The following DHX30 variants were observed in gnomAD, a reference collection of about 807,000 sequenced individuals.
DHX30 encodes the protein ATP-dependent RNA helicase DHX30.
DHX30 carries 4 observed loss-of-function variants against 116.9 expected under a neutral mutation model. The observed-to-expected ratio is 0.03, with a 90% confidence interval of 0.02 to 0.08. DHX30 has a LOEUF of 0.08. Among genes scored for constraint, DHX30 ranks in the 10% least tolerant of loss-of-function variants. The pLI, the probability that DHX30 is intolerant of heterozygous loss-of-function variation, is 1.00. For synonymous variants in DHX30, 697 were observed against 651.7 expected, an observed-to-expected ratio of 1.07 and a Z score of -1.06; for missense variants, 871 against 1,595.1, an observed-to-expected ratio of 0.55 and a Z score of 7.73.
intron 4 of DHX30, among the ~76,000 whole-genome samples, chr3:47,822,862 G>A (rs2036359880): frequency 6.6e-6 from 1 of 152,040 alleles, no homozygotes; most frequent in Non-Finnish European, 1.5e-5. Context: ...GAGAGGCCAA[G>A]GAAGGCGAAT....
At chr3:47,841,223 G>C (rs887539159) in intron 7 of DHX30, 45 bp downstream of exon 7, 5 of 1,600,878 alleles carry the variant, frequency 3.1e-6, no homozygotes, top group African/African-American at 1.3e-5. Context: ...GCTGTGCCTT[G>C]ACACGGGGAT....
At chr3:47,803,731 G>T (rs2035399673) in intron 1 of DHX30, among the ~76,000 whole-genome samples, 1 of 152,244 alleles carries the variant, frequency 6.6e-6, no homozygotes, top group South Asian at 2.1e-4. Flanking sequence ...AGGCCAAGGG[G>T]TGAGGTATTC....
At chr3:47,842,180 A>C (rs75273836) in intron 8 of DHX30, 2 of 166,504 alleles carry the variant, frequency 1.2e-5, no homozygotes, top group Non-Finnish European at 2.6e-5. Flanking sequence ...TCTCTAGCTA[A>C]GAAAGCCGTA....
chr3:47,848,019 C>T lies in DHX30; in HGVS notation c.2286+63C>T. The T allele has an allele frequency of 6.2e-7, 1 of 1,600,710 alleles. No homozygotes were observed. On this transcript the variant is annotated intron_variant, in intron 14 of 21. Coordinates refer to ENST00000445061, the MANE Select transcript of DHX30 (RefSeq NM_138615.3). This position sits in a 1 kb window ranked among gnomAD's most constrained non-coding sequence, Gnocchi z 9.4. Reference sequence around the variant, plus strand: ...GAGGGACTCCGTTTTGAGGTGGTCCCCAGCCCAGATCTACCTTAGACCTGC... The same window carrying T: ...GAGGGACTCCGTTTTGAGGTGGTCCTCAGCCCAGATCTACCTTAGACCTGC...
At position 47,847,647 on chromosome 3, in the gene DHX30, C is replaced by T; in HGVS notation, c.2110+111C>T. 6.9e-7 allele frequency: 1 copy of T among 1,453,308 alleles called. No individual in the cohort carries two copies. The highest frequency in any genetic ancestry group is 9.2e-7 in the Non-Finnish European group (1 of 1,082,818). The allele number at this position is 1,453,308 out of a possible 1,614,324, so 90.0% of individuals were successfully genotyped here. Reference sequence around the variant, plus strand: ...GCCCCGGTTTCTGACCAAGCTGTGGCACTTTTCACTGGGCATAGTGTTTAT... The same window carrying T: ...GCCCCGGTTTCTGACCAAGCTGTGGTACTTTTCACTGGGCATAGTGTTTAT... On this transcript the variant is annotated intron_variant, in intron 13 of 21. Coordinates refer to ENST00000445061, the MANE Select transcript of DHX30 (RefSeq NM_138615.3). The surrounding 1 kb of genome is among the most constrained non-coding windows in gnomAD (Gnocchi z 5.5).
chr3:47,832,262 AT>A (rs2107058362), intron 6 of DHX30, among the ~76,000 whole-genome samples: 1 of 152,044 alleles, frequency 6.6e-6, no homozygotes, highest in Non-Finnish European at 1.5e-5. Flanking sequence ...ACTGCCATGC[AT>A]TTCGTCCTCA....
chr3:47,849,406 C>T (rs374022583), intron 19 of DHX30, 45 bp from the exon 20 acceptor site: 13 of 1,578,882 alleles, frequency 8.2e-6, no homozygotes, highest in East Asian at 2.2e-5. Context: ...TCCCTGTCTG[C>T]AGCTCCTTGC....
At chr3:47,829,300 ATATATATATATATATTT>A (rs1387124715) in intron 6 of DHX30, among the ~76,000 whole-genome samples, 166 bp downstream of exon 6, 1 of 33,848 alleles carries the variant, frequency 3.0e-5, no homozygotes, top group Non-Finnish European at 6.5e-5. Context: ...ATATATATAT[ATATATATATATATATTT>A]TTTTTTTTTT....
rs1056413726 is a variant in DHX30 at position 47,848,293 on chromosome 3, G to A, written c.2400G>A (p.Leu800=). The A allele has an allele frequency of 3.1e-6, 5 of 1,613,932 alleles. No homozygotes were observed. Among genetic ancestry groups the A allele is most frequent in the Non-Finnish European group, 3.4e-6 (4 of 1,179,988 alleles). ...FAYHLFPRSR[L]EKMVPFQVPE... is the part of the protein sequence containing the mutation. ...ACCACTTGTTCCCTCGAAGCCGGCTGGAGAAAATGGTCCCTTTCCAAGTGC... is the reference window on the plus strand; with the variant it reads ...ACCACTTGTTCCCTCGAAGCCGGCTAGAGAAAATGGTCCCTTTCCAAGTGC... Residue 800 remains leucine, a synonymous_variant, in exon 15 of 22, where the codon CTG becomes CTA. Coordinates refer to ENST00000445061, the MANE Select transcript of DHX30 (RefSeq NM_138615.3). The surrounding 1 kb of genome is among the most constrained non-coding windows in gnomAD (Gnocchi z 9.4).
chr3:47,808,161 C>T (rs1210861089), intron 2 of DHX30, among the ~76,000 whole-genome samples: 3 of 151,520 alleles, frequency 2.0e-5, no homozygotes, highest in Non-Finnish European at 2.9e-5. Context: ...CTGCTTGCCT[C>T]GGCCTCCCAA....
In DHX30 at chr3:47,847,839, G is replaced by T. The variant is rs1482916348; in HGVS notation, c.2169G>T (p.Gly723=). The change falls in exon 14 of 22, where the codon GGG becomes GGT. Residue 723 remains glycine, a synonymous_variant. Transcript: ENST00000445061. This position sits in a 1 kb window ranked among gnomAD's most constrained non-coding sequence, Gnocchi z 5.5. The stretch of plus-strand genomic sequence containing the variant: ...CCATATTCCAGCAGCCTCCAGTTGG[G>T]GTGCGCAAGATTGTCTTGGCCACCA... ...QKAIFQQPPV[G]VRKIVLATNI... 6.2e-7 allele frequency: 1 copy of T among 1,614,144 alleles called. No individual in the cohort carries two copies. Among genetic ancestry groups the T allele is most frequent in the African/African-American group, 1.3e-5 (1 of 75,036 alleles).
At chr3:47,818,722 G>A (rs541409443) in intron 4 of DHX30, among the ~76,000 whole-genome samples, 2 of 152,288 alleles carry the variant, frequency 1.3e-5, no homozygotes, top group Non-Finnish European at 2.9e-5. Context: ...TGGCGCCAGG[G>A]ATAGGACCCA....
chr3:47,829,314 A>ATATT (rs1177077114), intron 6 of DHX30, among the ~76,000 whole-genome samples, 180 bp downstream of exon 6: 27 of 34,190 alleles, frequency 7.9e-4, no homozygotes, highest in African/African-American at 2.4e-3. Context: ...ATATATATAT[A>ATATT]TTTTTTTTTT....
chr3:47,828,642 G>GCA (rs2036659876), intron 5 of DHX30, among the ~76,000 whole-genome samples: 1 of 151,806 alleles, frequency 6.6e-6, no homozygotes, highest in Non-Finnish European at 1.5e-5. Flanking sequence ...GTGGTGGTGG[G>GCA]CACCTGTAGC....
chr3:47,842,637 T>A (rs1485398241), intron 8 of DHX30: 1 of 152,820 alleles, frequency 6.5e-6, no homozygotes, highest in Non-Finnish European at 1.5e-5. Flanking sequence ...GAGCATTAGC[T>A]GTCTCTTTGG....
At chr3:47,821,673 A>C (rs1291424111) in intron 4 of DHX30, among the ~76,000 whole-genome samples, 1 of 151,954 alleles carries the variant, frequency 6.6e-6, no homozygotes, top group Non-Finnish European at 1.5e-5. Context: ...ATGTCGGCTC[A>C]CTGCAACCTC....
At chr3:47,806,123 A>G (rs2035507437) in intron 2 of DHX30, among the ~76,000 whole-genome samples, 1 of 146,130 alleles carries the variant, frequency 6.8e-6, no homozygotes, top group Non-Finnish European at 1.5e-5. Flanking sequence ...TCATGCCACC[A>G]AGCCCGGCTA....
intron 6 of DHX30, chr3:47,831,091 A>G (rs2036827682): frequency 6.6e-6 from 1 of 152,010 alleles, no homozygotes; most frequent in African/African-American, 2.4e-5. Flanking sequence ...CATTGCTATA[A>G]AGGAATACAT....
intron 1 of DHX30, among the ~76,000 whole-genome samples, chr3:47,803,630 G>T (rs914502277): frequency 6.6e-6 from 1 of 152,168 alleles, no homozygotes; most frequent in Admixed American, 6.5e-5. Context: ...CCTCCTTCCC[G>T]GTGCTGCCCG....
Sources: gnomAD v4.1 joint callset for allele counts (sites outside exome capture counted in the v4.1 genomes callset) on GRCh38, gnomAD v4.1.1 for gene constraint, Gnocchi (gnomAD v3.1) non-coding constraint, MANE v1.5 for transcripts, NCBI Gene and HGNC (gene_info 2026-07-23, HGNC 2026-07-21) for gene names.